Variants in DUSP19 observed in about 807,000 individuals in gnomAD.
The protein encoded by DUSP19 is dual specificity phosphatase 19, also known as dual specificity protein phosphatase 19.
In DUSP19, 14 loss-of-function variants were observed where a neutral mutation model predicts 16.6. The observed-to-expected ratio is 0.84, with a 90% confidence interval of 0.56 to 1.32. The LOEUF (loss-of-function observed/expected upper bound fraction) is 1.32, where lower values mean the gene tolerates loss of function less well. Among genes scored for constraint, DUSP19 ranks in the 40% most tolerant of loss-of-function variants. The pLI, the probability that DUSP19 is intolerant of heterozygous loss-of-function variation, is 0.00. For synonymous variants in DUSP19, 81 were observed against 90.5 expected (o/e 0.90, Z 0.59); for missense variants, 258 against 255.9 (o/e 1.01, Z -0.06).
At chr2:183,079,404 C>T (rs1233525728) in intron 1 of DUSP19, among the ~76,000 whole-genome samples, 1 of 152,006 alleles carries the variant, frequency 6.6e-6, no homozygotes, top group Non-Finnish European at 1.5e-5. Flanking sequence ...TTTAGAAAAG[C>T]TTTCTTCCCG....
chr2:183,079,972 C>T (rs1211469847), intron 1 of DUSP19, among the ~76,000 whole-genome samples: 4 of 152,198 alleles, frequency 2.6e-5, no homozygotes, highest in Non-Finnish European at 5.9e-5. Flanking sequence ...GTGCTGTTCA[C>T]CTAGTGTCTT....
Position 183,095,565 on chromosome 2 carries a change from A to G in DUSP19, c.561A>G (p.Ile187Met), listed in dbSNP as rs746429428. ...FSLVKNARPS[I>M]CPNSGFMEQL... ...TGGTGAAAAATGCAAGACCTTCCATATGTCCAAATTCTGGCTTCATGGAGC... is the reference window on the plus strand; with the variant it reads ...TGGTGAAAAATGCAAGACCTTCCATGTGTCCAAATTCTGGCTTCATGGAGC... The change falls in exon 4 of 4, where the codon ATA becomes ATG. Residue 187 changes from isoleucine (I) to methionine (M), a missense_variant. Physicochemically the swap from Ile to Met is conservative, Grantham distance 10 (BLOSUM62 1). Transcript: ENST00000354221. The G allele has an allele frequency of 2.0e-5, 32 of 1,613,982 alleles. No homozygotes were observed. The highest frequency in any genetic ancestry group is 1.6e-4 in the Middle Eastern group (1 of 6,082).
chr2:183,094,593 G>A (rs1699774004), intron 3 of DUSP19, among the ~76,000 whole-genome samples: 1 of 152,096 alleles, frequency 6.6e-6, no homozygotes, highest in South Asian at 2.1e-4. Context: ...CATTGGTCTT[G>A]CACTGTGTCT....
intron 3 of DUSP19, among the ~76,000 whole-genome samples, chr2:183,091,932 T>C (rs1699736739): frequency 6.6e-6 from 1 of 152,218 alleles, no homozygotes; most frequent in East Asian, 1.9e-4. Context: ...CATCACTTTT[T>C]TGTATTTGTC....
At chr2:183,085,587 GAA>G (rs1043736619) in intron 2 of DUSP19, among the ~76,000 whole-genome samples, 2 of 143,808 alleles carry the variant, frequency 1.4e-5, no homozygotes. Context: ...ATGGCAAAGG[GAA>G]AAAAAAAAAG....
intron 3 of DUSP19, among the ~76,000 whole-genome samples, chr2:183,094,785 G>C (rs752455130): frequency 1.3e-5 from 2 of 152,096 alleles, no homozygotes; most frequent in Non-Finnish European, 2.9e-5. Context: ...TATGTGCAAG[G>C]GTAGAAAATT....
rs915322991 is a variant in DUSP19 at position 183,095,738 on chromosome 2, G to C, written c.*80G>C. 39 of 1,164,406 alleles carry C rather than the reference G, an allele frequency of 3.3e-5. No individual in the cohort carries two copies. The highest frequency in any genetic ancestry group is 4.5e-5 in the Non-Finnish European group (37 of 829,748). 72.1% of individuals were successfully genotyped at this position (1,164,406 alleles called of 1,614,324 possible). A position where few individuals can be genotyped will look rare whatever the true frequency, so the allele number is the denominator to read the frequency against. On this transcript the variant is annotated 3_prime_UTR_variant, in exon 4 of 4. Transcript: ENST00000354221. ...CATCTTTTCCCTTTTTTGGAGAGTA[G>C]ACTAGCAAAACTCCCTTTTTTCTCT...
intron 3 of DUSP19, among the ~76,000 whole-genome samples, chr2:183,087,917 A>G (rs1223939117): frequency 6.6e-6 from 1 of 151,074 alleles, no homozygotes; most frequent in Non-Finnish European, 1.5e-5. Context: ...CTTTCCTTTC[A>G]TTTAGTAATA....
chr2:183,093,132 A>C (rs10460378), intron 3 of DUSP19, among the ~76,000 whole-genome samples: 116,282 of 152,108 alleles, frequency 0.76, 45,372 homozygotes, highest in East Asian at 0.98. Flanking sequence ...AAGGAGCTTG[A>C]AATCTAGTTG....
chr2:183,080,295 T>C (rs2105494768), intron 1 of DUSP19, among the ~76,000 whole-genome samples: 1 of 152,348 alleles, frequency 6.6e-6, no homozygotes, highest in South Asian at 2.1e-4. Flanking sequence ...CATAGGATCC[T>C]CCTGAGGTTG....
chr2:183,079,568 A>C (rs541404808), intron 1 of DUSP19, among the ~76,000 whole-genome samples: 1 of 152,322 alleles, frequency 6.6e-6, no homozygotes, highest in South Asian at 2.1e-4. Flanking sequence ...TTAATACTCG[A>C]AATAGTCCTG....
At chr2:183,093,721 T>A (rs1699763039) in intron 3 of DUSP19, among the ~76,000 whole-genome samples, 2 of 152,178 alleles carry the variant, frequency 1.3e-5, no homozygotes, top group South Asian at 2.1e-4. Context: ...GGATGCACAA[T>A]GTGTAAGACT....
Position 183,095,904 on chromosome 2 carries a change from G to C in DUSP19, c.*246G>C, listed in dbSNP as rs1360891017. The C allele has an allele frequency of 1.1e-5, 3 of 284,594 alleles. No individual in the cohort carries two copies. The East Asian group carries it at 1.8e-4, about 17-fold the overall frequency. 17.6% of individuals were successfully genotyped at this position (284,594 alleles called of 1,614,324 possible). On this transcript the variant is annotated 3_prime_UTR_variant, in exon 4 of 4. Transcript: ENST00000354221. Reference sequence around the variant, plus strand: ...TAAATTGCTAAGGGAAAATAACAAAGTGTTAGTAATCATTGCTTTCTGTAG... The same window carrying C: ...TAAATTGCTAAGGGAAAATAACAAACTGTTAGTAATCATTGCTTTCTGTAG...
intron 1 of DUSP19, among the ~76,000 whole-genome samples, chr2:183,082,358 A>G (rs1037295175): frequency 6.6e-6 from 1 of 152,018 alleles, no homozygotes; most frequent in Non-Finnish European, 1.5e-5. Context: ...TTGTTGTTAT[A>G]AAAATGGATG....
intron 3 of DUSP19, among the ~76,000 whole-genome samples, chr2:183,092,730 A>G (rs929169340): frequency 4.2e-5 from 6 of 143,848 alleles, no homozygotes; most frequent in Non-Finnish European, 6.0e-5. Flanking sequence ...TTGAGACAGA[A>G]TCTTACTCTG....
In DUSP19 at chr2:183,087,188, G is replaced by T. The variant is rs77626773; in HGVS notation, c.422G>T (p.Arg141Ile). ...ECFEFIEEAK[R>I]KDGVVLVHCN... The stretch of plus-strand genomic sequence containing the variant: ...TTTGAATTTATTGAAGAAGCAAAAA[G>T]AAAAGTGAGTTTTGTTTTGATCCAT... Residue 141 changes from arginine to isoleucine, a missense_variant, in exon 3 of 4, where the codon AGA (arginine) becomes ATA (isoleucine). Transcript: ENST00000354221. 5.1e-4 allele frequency: 816 copies of T among 1,612,252 alleles called. No individual in the cohort carries two copies. The highest frequency in any genetic ancestry group is 6.7e-4 in the Non-Finnish European group (793 of 1,179,556).
intron 3 of DUSP19, among the ~76,000 whole-genome samples, chr2:183,092,434 T>A (rs934767013): frequency 6.6e-6 from 1 of 152,098 alleles, no homozygotes; most frequent in Non-Finnish European, 1.5e-5. Flanking sequence ...GTTGTTCCGC[T>A]CCATGTGTCT....
At chr2:183,082,743 A>C (rs138442429) in intron 1 of DUSP19, among the ~76,000 whole-genome samples, 174 of 151,794 alleles carry the variant, frequency 1.1e-3, no homozygotes, top group African/African-American at 4.1e-3. Context: ...TTTCCATGCT[A>C]TACATATTTT....
At chr2:183,081,709 C>G (rs545316295) in intron 1 of DUSP19, among the ~76,000 whole-genome samples, 1 of 152,166 alleles carries the variant, frequency 6.6e-6, no homozygotes, top group South Asian at 2.1e-4. Flanking sequence ...TCAGCTTTAA[C>G]AAATGTTAAT....
Sources: allele counts gnomAD v4.1 joint callset (sites outside exome capture counted in the v4.1 genomes callset), GRCh38; gene constraint gnomAD v4.1.1; transcripts MANE v1.5; gene names NCBI Gene and HGNC (gene_info 2026-07-23, HGNC 2026-07-21).